The following EPHB1 variants were observed in gnomAD, a reference collection of about 807,000 sequenced individuals.
The protein encoded by EPHB1 is ephrin type-B receptor 1.
In EPHB1, 30 loss-of-function variants were observed where a neutral mutation model predicts 94.4. That is an observed-to-expected ratio of 0.32 (90% confidence interval 0.24 to 0.43). EPHB1 has a LOEUF of 0.43. EPHB1 is among the 20% of genes least tolerant of loss of function. EPHB1 has a pLI of 1.00. For missense variants in EPHB1, 1,055 were observed against 1,308.3 expected (o/e 0.81, Z 2.99); for synonymous variants, 522 against 489.1 (o/e 1.07, Z -0.89).
Position 135,183,247 on chromosome 3 carries a change from T to TCTTCCTTCCTTCCTTCCTTCCTTC in EPHB1, c.1882+3288_1882+3311dup, listed in dbSNP as rs61228471. 5.6e-4 allele frequency among the ~76,000 whole-genome samples: 51 copies of TCTTCCTTCCTTCCTTCCTTCCTTC among 91,396 alleles called. 1 individual carries two copies. Among genetic ancestry groups the TCTTCCTTCCTTCCTTCCTTCCTTC allele is most frequent in the African/African-American group, 2.0e-3 (49 of 24,666 alleles). 60.0% of individuals were successfully genotyped at this position (91,396 alleles called of 152,430 possible). On this transcript the variant is annotated intron_variant, in intron 10 of 15. Transcript: ENST00000398015. Reference sequence around the variant, plus strand: ...CCCTCCCTTCCTCCCTCCCTCCCTTTCTTCCTTCCTTCCTTCCTTCCTTCC... The same window carrying TCTTCCTTCCTTCCTTCCTTCCTTC: ...CCCTCCCTTCCTCCCTCCCTCCCTTTCTTCCTTCCTTCCTTCCTTCCTTCCTTCCTTCCTTCCTTCCTTCCTTCC...
At chr3:135,154,421 C>A in intron 6 of EPHB1, 145 bp downstream of exon 6, 1 of 1,159,212 alleles carries the variant, frequency 8.6e-7, no homozygotes, top group East Asian at 2.6e-5. Context: ...TGGGAGAGTT[C>A]TCCAGGTCTG....
rs773574924 is a variant in EPHB1, at chr3:135,210,723, G to A, written c.2346+9034G>A. Among the ~76,000 whole-genome samples, 10 of 152,112 alleles carry A rather than the reference G, an allele frequency of 6.6e-5. No individual in the cohort carries two copies. In the East Asian group the frequency reaches 7.7e-4, roughly 12 times the overall value. The stretch of plus-strand genomic sequence containing the variant: ...GCGGCAGCTTTGGCCCTTCCATCTC[G>A]TTCTCCAGACTCTGAGTCCAATGCT... On this transcript the variant is annotated intron_variant, in intron 12 of 15. Coordinates refer to ENST00000398015, the MANE Select transcript of EPHB1 (RefSeq NM_004441.5).
intron 1 of EPHB1, among the ~76,000 whole-genome samples, chr3:134,861,885 A>G (rs1382475705): frequency 2.6e-5 from 4 of 152,130 alleles, no homozygotes. Flanking sequence ...ATAAAATAAA[A>G]TTTAAATTAA....
chr3:134,843,945 T>C (rs1421819137), intron 1 of EPHB1, among the ~76,000 whole-genome samples: 2 of 152,224 alleles, frequency 1.3e-5, no homozygotes, highest in African/African-American at 4.8e-5. Context: ...TTATGCTTTC[T>C]TGTTTCTTTG....
intron 12 of EPHB1, among the ~76,000 whole-genome samples, chr3:135,234,892 A>G (rs560489019): frequency 1.3e-5 from 2 of 152,326 alleles, no homozygotes; most frequent in South Asian, 4.1e-4. Context: ...TAGGGGAACT[A>G]CAATTCAAGA....
chr3:135,187,880 T>A (rs920734366), intron 10 of EPHB1, among the ~76,000 whole-genome samples: 2 of 152,070 alleles, frequency 1.3e-5, no homozygotes, highest in African/African-American at 4.8e-5. Flanking sequence ...GCACTCCCCC[T>A]CCCAACTACC....
chr3:135,060,441 G>T (rs1937465177), intron 3 of EPHB1, among the ~76,000 whole-genome samples: 1 of 152,022 alleles, frequency 6.6e-6, no homozygotes, highest in Non-Finnish European at 1.5e-5. Context: ...TGGGCTTTTG[G>T]GTTATTTCTA....
chr3:135,069,563 C>A (rs779669098), intron 3 of EPHB1, among the ~76,000 whole-genome samples: 1 of 152,124 alleles, frequency 6.6e-6, no homozygotes, highest in African/African-American at 2.4e-5. Flanking sequence ...CTGGGTGAGG[C>A]CTTACCAGGT....
At chr3:134,923,395 A>G (rs984585367) in intron 1 of EPHB1, among the ~76,000 whole-genome samples, 3 of 152,120 alleles carry the variant, frequency 2.0e-5, no homozygotes, top group African/African-American at 7.2e-5. Context: ...ACCTGCTGAG[A>G]TACCCTGTAC....
intron 4 of EPHB1, among the ~76,000 whole-genome samples, chr3:135,116,209 G>A (rs779908747): frequency 6.6e-6 from 1 of 152,186 alleles, no homozygotes; most frequent in Non-Finnish European, 1.5e-5. Context: ...GCGAGACTCT[G>A]TCTCAAAACA....
rs1943978522 is a variant in EPHB1, at chr3:135,248,405, G to A, written c.2586G>A (p.Gln862=). ...ALHQLMLDCW[Q]KDRNSRPRFA... ...ACCAGCTCATGCTGGACTGTTGGCA[G>A]AAGGACCGGAACAGCCGGCCCCGGT... Residue 862 remains glutamine, a synonymous_variant, in exon 14 of 16, where the codon CAG becomes CAA. Transcript: ENST00000398015. 6.2e-7 allele frequency: 1 copy of A among 1,613,944 alleles called. No homozygotes were observed. Among genetic ancestry groups the A allele is most frequent in the Non-Finnish European group, 8.5e-7 (1 of 1,179,902 alleles).
At chr3:134,962,258 T>C (rs1933547848) in intron 3 of EPHB1, among the ~76,000 whole-genome samples, 1 of 152,230 alleles carries the variant, frequency 6.6e-6, no homozygotes, top group African/African-American at 2.4e-5. Flanking sequence ...GTTCAGGAAC[T>C]GAGACTCAAG....
At chr3:134,816,684 G>T (rs2036279821) in intron 1 of EPHB1, among the ~76,000 whole-genome samples, 1 of 151,838 alleles carries the variant, frequency 6.6e-6, no homozygotes, top group Admixed American at 6.6e-5. Flanking sequence ...TCATTCTTCT[G>T]CTTGCCAATA....
At chr3:135,227,948 TTA>T (rs2107722836) in intron 12 of EPHB1, among the ~76,000 whole-genome samples, 1 of 152,316 alleles carries the variant, frequency 6.6e-6, no homozygotes, top group South Asian at 2.1e-4. Flanking sequence ...TCATCGCTCT[TTA>T]TTCTTAGACT....
intron 3 of EPHB1, among the ~76,000 whole-genome samples, chr3:134,989,497 GCACACACACA>G (rs61202894): frequency 6.7e-6 from 1 of 149,868 alleles, no homozygotes; most frequent in Non-Finnish European, 1.5e-5. Flanking sequence ...ACGCGCGCGT[GCACACACACA>G]CACACACACA....
intron 12 of EPHB1, among the ~76,000 whole-genome samples, chr3:135,219,569 G>A (rs917149337): frequency 4.6e-5 from 7 of 152,114 alleles, no homozygotes; most frequent in East Asian, 1.9e-4. Flanking sequence ...ATAGCCCTGC[G>A]AAAGCCTTGA....
At chr3:134,850,257 C>T (rs538583189) in intron 1 of EPHB1, among the ~76,000 whole-genome samples, 12 of 152,324 alleles carry the variant, frequency 7.9e-5, no homozygotes, top group Admixed American at 3.3e-4. Context: ...TCATTTAAAA[C>T]AGCAGCTTTA....
chr3:135,052,322 C>T (rs747895792), intron 3 of EPHB1, among the ~76,000 whole-genome samples: 4 of 152,112 alleles, frequency 2.6e-5, no homozygotes, highest in African/African-American at 7.2e-5. Flanking sequence ...TGATTGATGG[C>T]TCCTTTAAGA....
chr3:134,874,128 T>C (rs969859131), intron 1 of EPHB1, among the ~76,000 whole-genome samples: 2 of 152,142 alleles, frequency 1.3e-5, no homozygotes, highest in African/African-American at 4.8e-5. Context: ...AGACAGAACT[T>C]TGGATATTCT....
Sources: allele counts gnomAD v4.1 joint callset (sites outside exome capture counted in the v4.1 genomes callset), GRCh38; gene constraint gnomAD v4.1.1; transcripts MANE v1.5; gene names NCBI Gene and HGNC (gene_info 2026-07-23, HGNC 2026-07-21).